NPAS3: variants seen among roughly 807,000 people sequenced by gnomAD.
NPAS3 encodes neuronal PAS domain protein 3, also known as neuronal PAS domain-containing protein 3.
NPAS3 carries 14 observed loss-of-function variants against 73.1 expected under a neutral mutation model. That is an observed-to-expected ratio of 0.19 (90% CI 0.13 to 0.30). NPAS3 has a LOEUF of 0.30. Among genes scored for constraint, NPAS3 ranks in the 10% least tolerant of loss-of-function variants. The pLI is 1.00. For synonymous variants in NPAS3, 620 were observed against 541.5 expected (o/e 1.14, Z -2.01); for missense variants, 1,096 against 1,250.0 (o/e 0.88, Z 1.86).
intron 4 of NPAS3, among the ~76,000 whole-genome samples, chr14:33,422,594 C>G (rs989352550): frequency 1.3e-5 from 2 of 151,904 alleles, no homozygotes; most frequent in Non-Finnish European, 2.9e-5. Flanking sequence ...CCTTCTCCTA[C>G]TAAAATGAAA....
intron 5 of NPAS3, among the ~76,000 whole-genome samples, chr14:33,638,969 C>T (rs1470459205): frequency 6.6e-6 from 1 of 152,204 alleles, no homozygotes; most frequent in Non-Finnish European, 1.5e-5. Flanking sequence ...AGTTATTTGA[C>T]TTAGAAAGGC....
chr14:33,753,225 A>G (rs1191406776), intron 7 of NPAS3, among the ~76,000 whole-genome samples: 2 of 152,152 alleles, frequency 1.3e-5, no homozygotes, highest in Non-Finnish European at 1.5e-5. Flanking sequence ...TTTCCCTTCC[A>G]TGTTCCAATA....
intron 2 of NPAS3, among the ~76,000 whole-genome samples, chr14:33,203,962 C>T (rs1039304617): frequency 2.6e-5 from 4 of 152,196 alleles, no homozygotes; most frequent in African/African-American, 9.7e-5. Context: ...TCCAATTTCT[C>T]CACATCCTCT....
chr14:33,353,094 T>A (rs1204238471), intron 3 of NPAS3, among the ~76,000 whole-genome samples: 1 of 150,730 alleles, frequency 6.6e-6, no homozygotes, highest in African/African-American at 2.4e-5. Context: ...GAAAAAAAAA[T>A]CTCTTTCTCA....
intron 1 of NPAS3, among the ~76,000 whole-genome samples, chr14:32,999,237 T>C (rs150714637): frequency 3.7e-4 from 56 of 152,144 alleles, no homozygotes; most frequent in African/African-American, 8.0e-4. Context: ...TCCGGCCGGG[T>C]GCGGTGGCTC....
chr14:33,315,691 G>A (rs1410390945), intron 3 of NPAS3, among the ~76,000 whole-genome samples: 2 of 151,958 alleles, frequency 1.3e-5, no homozygotes, highest in African/African-American at 2.4e-5. Flanking sequence ...GTTGAGGATG[G>A]AGAGAGTTCA....
chr14:33,446,365 C>T (rs1180492321), intron 4 of NPAS3, among the ~76,000 whole-genome samples: 3 of 151,012 alleles, frequency 2.0e-5, no homozygotes, highest in Non-Finnish European at 3.0e-5. Flanking sequence ...TTAGTAGAGA[C>T]GGGGTTTCAC....
At chr14:33,708,869 T>C (rs1014293041) in intron 6 of NPAS3, among the ~76,000 whole-genome samples, 4 of 152,116 alleles carry the variant, frequency 2.6e-5, no homozygotes, top group Non-Finnish European at 5.9e-5. Flanking sequence ...GGGTCTTTGG[T>C]AGGATTGACT....
intron 1 of NPAS3, among the ~76,000 whole-genome samples, chr14:33,013,945 G>A (rs755822703): frequency 3.5e-4 from 53 of 151,980 alleles, no homozygotes; most frequent in Non-Finnish European, 5.6e-4. Flanking sequence ...GTAACAACAT[G>A]GAAATGTCAC....
chr14:33,353,855 T>C (rs1326533439), intron 3 of NPAS3, among the ~76,000 whole-genome samples: 1 of 151,898 alleles, frequency 6.6e-6, no homozygotes, highest in Non-Finnish European at 1.5e-5. Context: ...ATGGCTTGGG[T>C]TTAGATATAT....
In NPAS3 at chr14:33,800,590, G is replaced by T; in HGVS notation, c.2283G>T (p.Gly761=). 2 of 1,302,114 alleles carry T rather than the reference G, an allele frequency of 1.5e-6. No homozygotes were observed. The highest frequency in any genetic ancestry group is 2.6e-5 in the South Asian group (1 of 38,506). 80.7% of individuals were successfully genotyped at this position (1,302,114 alleles called of 1,614,324 possible). A position where few individuals can be genotyped will look rare whatever the true frequency, so the allele number is the denominator to read the frequency against. ...CGTCCCCGCGGGACAAGCACCCCGG[G>T]AACGGCGGCGGGGGCGGGGGCGGGG... Residue 761 remains glycine, a synonymous_variant, in exon 12 of 12, where the codon GGG becomes GGT. Coordinates refer to ENST00000356141, the Ensembl canonical transcript of NPAS3. This position sits in a 1 kb window ranked among gnomAD's most constrained non-coding sequence, Gnocchi z 6.5.
intron 1 of NPAS3, among the ~76,000 whole-genome samples, chr14:33,053,503 A>G (rs1244082502): frequency 3.3e-5 from 5 of 152,334 alleles, no homozygotes; most frequent in South Asian, 4.1e-4. Flanking sequence ...CACAGTTTAT[A>G]ATAGTTTCAC....
chr14:33,177,165 C>T (rs1010507086), intron 2 of NPAS3, among the ~76,000 whole-genome samples: 13 of 150,434 alleles, frequency 8.6e-5, no homozygotes, highest in Admixed American at 2.0e-4. Flanking sequence ...GGCGCAGTCT[C>T]GACTCGGTGC....
chr14:33,312,991 T>C (rs1421519503), intron 3 of NPAS3, among the ~76,000 whole-genome samples: 1 of 152,080 alleles, frequency 6.6e-6, no homozygotes, highest in African/African-American at 2.4e-5. Context: ...AAAGTGTTTA[T>C]TGGGAATTAT....
At chr14:33,264,262 G>C (rs1205804724) in intron 3 of NPAS3, among the ~76,000 whole-genome samples, 1 of 151,928 alleles carries the variant, frequency 6.6e-6, no homozygotes, top group Non-Finnish European at 1.5e-5. Flanking sequence ...TCACACACTG[G>C]GGCCTGTTGT....
chr14:33,301,322 ATTTTTT>A lies in NPAS3; in HGVS notation c.386-65857_386-65852del, dbSNP rs56242001. On this transcript the variant is annotated intron_variant, in intron 3 of 11. Coordinates refer to ENST00000356141, the Ensembl canonical transcript of NPAS3. ...GTTTTATCATTATATATATATATAT[ATTTTTT>A]TTTTTTAAATCTAGCTGTAATGGGT... Among the ~76,000 whole-genome samples the A allele has an allele frequency of 1.4e-3, 137 of 99,694 alleles. 20 individuals are homozygous for A. Among genetic ancestry groups the A allele is most frequent in the Middle Eastern group, 9.1e-3 (2 of 220 alleles). The allele number at this position is 99,694 out of a possible 152,430, so 65.4% of individuals were successfully genotyped here. A position where few individuals can be genotyped will look rare whatever the true frequency, so the allele number is the denominator to read the frequency against.
At chr14:33,642,275 C>T (rs563538845) in intron 5 of NPAS3, among the ~76,000 whole-genome samples, 1 of 152,246 alleles carries the variant, frequency 6.6e-6, no homozygotes, top group Non-Finnish European at 1.5e-5. Context: ...CATTCCCCAC[C>T]ATCCCCCAGA....
At chr14:33,678,660 G>A (rs2059839878) in intron 6 of NPAS3, among the ~76,000 whole-genome samples, 1 of 151,346 alleles carries the variant, frequency 6.6e-6, no homozygotes, top group African/African-American at 2.4e-5. Context: ...GCAGCCTGAG[G>A]TTAAATTTGG....
intron 5 of NPAS3, among the ~76,000 whole-genome samples, chr14:33,636,350 C>G (rs1352512695): frequency 6.6e-6 from 1 of 152,216 alleles, no homozygotes; most frequent in Middle Eastern, 3.2e-3. Flanking sequence ...TAAAGGCTCA[C>G]GCTAGCATCT....
Sources: allele counts gnomAD v4.1 joint callset (sites outside exome capture counted in the v4.1 genomes callset), GRCh38; gene constraint gnomAD v4.1.1; non-coding constraint Gnocchi (gnomAD v3.1); transcripts MANE v1.5; gene names NCBI Gene and HGNC (gene_info 2026-07-23, HGNC 2026-07-21).